The following SORCS3 variants were observed in gnomAD, a reference collection of about 807,000 sequenced individuals.
SORCS3 encodes the protein VPS10 domain-containing receptor SorCS3.
In SORCS3, 57 loss-of-function variants were observed where a neutral mutation model predicts 146.3. That is an observed-to-expected ratio of 0.39 (90% CI 0.31 to 0.49). SORCS3 has a LOEUF of 0.49. Ranked by LOEUF, SORCS3 falls within the 20% of genes least tolerant of loss-of-function variation. SORCS3 has a pLI of 0.92. For missense variants in SORCS3, 1,341 were observed against 1,575.5 expected (o/e 0.85, Z 2.52); for synonymous variants, 653 against 618.5 (o/e 1.06, Z -0.83).
chr10:104,776,629 G>A (rs1364032549), intron 1 of SORCS3, among the ~76,000 whole-genome samples: 3 of 151,954 alleles, frequency 2.0e-5, no homozygotes, highest in Non-Finnish European at 4.4e-5. Flanking sequence ...TAGTTTGCAA[G>A]GAAGATTGTC....
intron 4 of SORCS3, among the ~76,000 whole-genome samples, chr10:105,026,462 A>C (rs190907057): frequency 6.6e-6 from 1 of 152,302 alleles, no homozygotes; most frequent in Non-Finnish European, 1.5e-5. Context: ...TTCAACCAGC[A>C]ATCCCATTAT....
chr10:104,775,374 G>C (rs549218277), intron 1 of SORCS3, among the ~76,000 whole-genome samples: 1 of 152,320 alleles, frequency 6.6e-6, no homozygotes, highest in African/African-American at 2.4e-5. Flanking sequence ...TACACTCCAT[G>C]CCAAGTCTTT....
At chr10:104,757,849 C>T (rs1214014432) in intron 1 of SORCS3, among the ~76,000 whole-genome samples, 2 of 77,992 alleles carry the variant, frequency 2.6e-5, no homozygotes. Context: ...CGGTTCCCCA[C>T]TGCCACCACC....
intron 14 of SORCS3, among the ~76,000 whole-genome samples, chr10:105,181,197 T>G (rs1393879323): frequency 6.6e-6 from 1 of 152,230 alleles, no homozygotes; most frequent in Non-Finnish European, 1.5e-5. Flanking sequence ...AAGAATCAAG[T>G]GACTTCTAAA....
intron 1 of SORCS3, among the ~76,000 whole-genome samples, chr10:104,725,991 A>G (rs1216799225): frequency 2.6e-5 from 4 of 152,026 alleles, no homozygotes; most frequent in South Asian, 2.1e-4. Flanking sequence ...TCCTGTACCC[A>G]CTGTCCGACA....
intron 3 of SORCS3, among the ~76,000 whole-genome samples, chr10:104,923,290 G>A (rs1263371457): frequency 6.6e-6 from 1 of 152,200 alleles, no homozygotes. Flanking sequence ...CTTAGGAAGT[G>A]TAATCCTCAT....
chr10:105,042,761 G>A (rs2055345640), intron 4 of SORCS3, among the ~76,000 whole-genome samples: 1 of 152,052 alleles, frequency 6.6e-6, no homozygotes, highest in Admixed American at 6.6e-5. Flanking sequence ...TTTTTCCTGG[G>A]AGCACAGAAT....
rs116295395 is a variant in SORCS3, at chr10:105,232,401, C to T, written c.2868+9152C>T. Reference sequence around the variant, plus strand: ...TGTAGTGATGTCCCCTCTTTCATTTCGGATATTAGTAATTTGTGTCCCCTC... The same window carrying T: ...TGTAGTGATGTCCCCTCTTTCATTTTGGATATTAGTAATTTGTGTCCCCTC... On this transcript the variant is annotated intron_variant, in intron 20 of 26. Transcript: ENST00000369701. Among the ~76,000 whole-genome samples the T allele has an allele frequency of 3.3e-3, 500 of 151,974 alleles. 2 individuals are homozygous for T. The highest frequency in any genetic ancestry group is 0.011 in the African/African-American group (475 of 41,522).
intron 18 of SORCS3, 65 bp downstream of exon 18, chr10:105,214,678 G>C: frequency 6.9e-7 from 1 of 1,440,204 alleles, no homozygotes; most frequent in East Asian, 2.4e-5. Flanking sequence ...AAGGGAAGAA[G>C]AAGATCTTAC....
intron 1 of SORCS3, among the ~76,000 whole-genome samples, chr10:104,694,306 G>C (rs146777628): frequency 6.6e-6 from 1 of 151,268 alleles, no homozygotes; most frequent in Admixed American, 6.6e-5. Context: ...GAAGTGACAG[G>C]GTATTAGGGA....
chr10:104,733,325 A>T (rs975627840), intron 1 of SORCS3, among the ~76,000 whole-genome samples: 1 of 152,122 alleles, frequency 6.6e-6, no homozygotes, highest in Non-Finnish European at 1.5e-5. Context: ...TCATTTGTGC[A>T]TTCACTCTTT....
intron 1 of SORCS3, among the ~76,000 whole-genome samples, chr10:104,752,387 G>A (rs1372895472): frequency 6.6e-6 from 1 of 152,132 alleles, no homozygotes; most frequent in African/African-American, 2.4e-5. Flanking sequence ...TTTGGAGCAT[G>A]GGACACTGCT....
intron 5 of SORCS3, among the ~76,000 whole-genome samples, chr10:105,072,656 TCTC>T (rs1288725856): frequency 3.1e-3 from 61 of 19,716 alleles, no homozygotes; most frequent in Middle Eastern, 0.016. Flanking sequence ...TTTCTCTCTC[TCTC>T]TTTTTTTTTT....
intron 5 of SORCS3, among the ~76,000 whole-genome samples, chr10:105,053,647 T>C (rs1318697276): frequency 6.6e-6 from 1 of 151,976 alleles, no homozygotes; most frequent in African/African-American, 2.4e-5. Flanking sequence ...ATATTGTTGA[T>C]AAAATTTTAT....
At chr10:104,884,923 G>A (rs2018667423) in intron 2 of SORCS3, among the ~76,000 whole-genome samples, 1 of 151,838 alleles carries the variant, frequency 6.6e-6, no homozygotes, top group Admixed American at 6.6e-5. Context: ...TCTGCCCAGA[G>A]CATCTCTTTC....
intron 20 of SORCS3, among the ~76,000 whole-genome samples, chr10:105,244,354 T>G (rs1322242209): frequency 1.3e-5 from 2 of 151,794 alleles, no homozygotes; most frequent in Non-Finnish European, 2.9e-5. Flanking sequence ...ATGTGGGTTG[T>G]TTTTTTTCAA....
At position 104,641,525 on chromosome 10, in the gene SORCS3, C is replaced by T; in HGVS notation, c.198C>T (p.Ser66=). The change falls in exon 1 of 27, where the codon AGC becomes AGT. Residue 66 remains serine, a synonymous_variant. Coordinates refer to ENST00000369701, the MANE Select transcript of SORCS3 (RefSeq NM_014978.3). This position sits in a 1 kb window ranked among gnomAD's most constrained non-coding sequence, Gnocchi z 6.4. ...CACTCTCGCCGCGGGCAGTGGCCAG[C>T]CAGTGGCCGGAGGAGCTGGCGTCGG... ...LSPLSPRAVA[S]QWPEELASAR... 6.8e-7 allele frequency: 1 copy of T among 1,474,662 alleles called. No homozygotes were observed. The highest frequency in any genetic ancestry group is 8.9e-7 in the Non-Finnish European group (1 of 1,121,880). The allele number at this position is 1,474,662 out of a possible 1,614,324, so 91.3% of individuals were successfully genotyped here.
At chr10:105,214,799 A>T (rs2056655670) in intron 18 of SORCS3, among the ~76,000 whole-genome samples, 186 bp downstream of exon 18, 1 of 152,182 alleles carries the variant, frequency 6.6e-6, no homozygotes, top group Admixed American at 6.5e-5. Flanking sequence ...TCCTCCCTTT[A>T]TCCCACAATA....
intron 1 of SORCS3, among the ~76,000 whole-genome samples, chr10:104,713,556 A>G (rs867900440): frequency 6.6e-6 from 1 of 152,308 alleles, no homozygotes; most frequent in South Asian, 2.1e-4. Flanking sequence ...ATGTGATCGC[A>G]GGGTTTTTCT....
Sources: gnomAD v4.1 joint callset for allele counts (sites outside exome capture counted in the v4.1 genomes callset) on GRCh38, gnomAD v4.1.1 for gene constraint, Gnocchi (gnomAD v3.1) non-coding constraint, MANE v1.5 for transcripts, NCBI Gene and HGNC (gene_info 2026-07-23, HGNC 2026-07-21) for gene names.